FBXO38: variants seen among roughly 807,000 people sequenced by gnomAD.
FBXO38 encodes F-box only protein 38.
FBXO38 carries 53 observed loss-of-function variants against 131.9 expected under a neutral mutation model. That is an observed-to-expected ratio of 0.40 (90% confidence interval 0.32 to 0.51). FBXO38 has a LOEUF of 0.51. Among genes scored for constraint, FBXO38 ranks in the 20% least tolerant of loss-of-function variants. The pLI is 0.53. For missense variants in FBXO38, 1,076 were observed against 1,475.6 expected, an observed-to-expected ratio of 0.73 and a Z score of 4.44; for synonymous variants, 452 against 505.6, an observed-to-expected ratio of 0.89 and a Z score of 1.42.
At chr5:148,395,472 GTTT>G (rs5742007) in intron 2 of FBXO38, among the ~76,000 whole-genome samples, 4 of 147,112 alleles carry the variant, frequency 2.7e-5, no homozygotes, top group East Asian at 3.9e-4. Flanking sequence ...TATAACAACT[GTTT>G]TTTTTTTTTT....
chr5:148,390,108 T>C (rs1169825381), intron 1 of FBXO38: 1 of 151,988 alleles, frequency 6.6e-6, no homozygotes, highest in African/African-American at 2.4e-5. Flanking sequence ...CTTTCTCATA[T>C]AGGGAAACCA....
At position 148,416,951 on chromosome 5, in the gene FBXO38, C is replaced by G. The variant is rs745316524; in HGVS notation, c.1408-43C>G. ...GATATTAAAAATGAAGGGATATATACTAACCCAAATTAATAAACGTATGTG... is the reference window on the plus strand; with the variant it reads ...GATATTAAAAATGAAGGGATATATAGTAACCCAAATTAATAAACGTATGTG... On this transcript the variant is annotated intron_variant, in intron 11 of 21. Coordinates refer to ENST00000340253, the MANE Select transcript of FBXO38 (RefSeq NM_205836.3). 7 of 1,273,428 alleles carry G rather than the reference C, an allele frequency of 5.5e-6. No homozygotes were observed. In the East Asian group the frequency reaches 1.6e-4, roughly 29 times the overall value. 78.9% of individuals were successfully genotyped at this position (1,273,428 alleles called of 1,614,324 possible).
intron 7 of FBXO38, among the ~76,000 whole-genome samples, 182 bp downstream of exon 7, chr5:148,406,576 TG>T (rs1423636091): frequency 6.6e-6 from 1 of 152,210 alleles, no homozygotes; most frequent in Non-Finnish European, 1.5e-5. Context: ...TTTCTTTTGG[TG>T]CACATTAAAC....
chr5:148,385,972 G>C (rs1757893074), intron 1 of FBXO38, among the ~76,000 whole-genome samples: 1 of 152,150 alleles, frequency 6.6e-6, no homozygotes, highest in African/African-American at 2.4e-5. Flanking sequence ...GAATTGACGA[G>C]ATAGGAGAAC....
chr5:148,403,311 G>A (rs1184501222), intron 5 of FBXO38, among the ~76,000 whole-genome samples: 3 of 152,080 alleles, frequency 2.0e-5, no homozygotes, highest in Non-Finnish European at 4.4e-5. Context: ...GTTTAACACT[G>A]TATTATGGTG....
intron 12 of FBXO38, among the ~76,000 whole-genome samples, chr5:148,419,083 G>T (rs1227928723): frequency 6.6e-6 from 1 of 152,178 alleles, no homozygotes; most frequent in Non-Finnish European, 1.5e-5. Flanking sequence ...TAGGACTGTT[G>T]TCAAGTATAG....
chr5:148,406,702 G>C (rs1752463328), intron 7 of FBXO38, among the ~76,000 whole-genome samples: 1 of 152,056 alleles, frequency 6.6e-6, no homozygotes, highest in East Asian at 1.9e-4. Flanking sequence ...TGTTAACAGG[G>C]ATTTCTAGCG....
chr5:148,434,370 G>A (rs1286445488), intron 17 of FBXO38: 1 of 152,050 alleles, frequency 6.6e-6, no homozygotes, highest in Non-Finnish European at 1.5e-5. Flanking sequence ...TAGGTACATA[G>A]TGTATCCTAT....
At chr5:148,401,186 A>G (rs950338390) in intron 3 of FBXO38, among the ~76,000 whole-genome samples, 26 of 152,138 alleles carry the variant, frequency 1.7e-4, no homozygotes, top group African/African-American at 4.6e-4. Flanking sequence ...CTTTCATTAA[A>G]AATAAAAAAG....
Position 148,433,780 on chromosome 5 carries a change from G to C in FBXO38, c.2857+43G>C, listed in dbSNP as rs772998880. ...TATTATACAAGAGTATCATGAATGAGTTAAAAGAATTAGGAACTCATAAAT... is the reference window on the plus strand; with the variant it reads ...TATTATACAAGAGTATCATGAATGACTTAAAAGAATTAGGAACTCATAAAT... On this transcript the variant is annotated intron_variant, in intron 17 of 21. Coordinates refer to ENST00000340253, the MANE Select transcript of FBXO38 (RefSeq NM_205836.3). 2.7e-6 allele frequency: 3 copies of C among 1,121,756 alleles called. No individual in the cohort carries two copies. The African/African-American group carries it at 4.7e-5, about 18-fold the overall frequency. 69.5% of individuals were successfully genotyped at this position (1,121,756 alleles called of 1,614,324 possible).
At chr5:148,387,013 T>C (rs1581212686) in intron 1 of FBXO38, among the ~76,000 whole-genome samples, 1 of 152,128 alleles carries the variant, frequency 6.6e-6, no homozygotes, top group African/African-American at 2.4e-5. Context: ...ATCAGGGTGG[T>C]GGTTGCAGAA....
At chr5:148,440,946 A>G (rs1447164552) in intron 20 of FBXO38, among the ~76,000 whole-genome samples, 178 bp from the exon 21 acceptor site, 1 of 152,220 alleles carries the variant, frequency 6.6e-6, no homozygotes, top group Non-Finnish European at 1.5e-5. Flanking sequence ...AATCAGAACC[A>G]GTGATGAAAC....
At chr5:148,388,909 C>A (rs1326174009) in intron 1 of FBXO38, among the ~76,000 whole-genome samples, 6 of 152,230 alleles carry the variant, frequency 3.9e-5, no homozygotes, top group Non-Finnish European at 8.8e-5. Flanking sequence ...TCTGTCTTGG[C>A]TTTCAACATG....
At chr5:148,400,838 T>G (rs1197424084) in intron 3 of FBXO38, among the ~76,000 whole-genome samples, 2 of 152,132 alleles carry the variant, frequency 1.3e-5, no homozygotes, top group African/African-American at 2.4e-5. Context: ...TCAACTTCAT[T>G]TTTTATGCTT....
In FBXO38 at chr5:148,427,916, A is replaced by G. The variant is rs1458812640; in HGVS notation, c.2622A>G (p.Arg874=). 2.0e-6 allele frequency: 3 copies of G among 1,532,570 alleles called. No individual in the cohort carries two copies. Among genetic ancestry groups the G allele is most frequent in the Non-Finnish European group, 2.6e-6 (3 of 1,142,770 alleles). The allele number at this position is 1,532,570 out of a possible 1,614,324, so 94.9% of individuals were successfully genotyped here. A position where few individuals can be genotyped will look rare whatever the true frequency, so the allele number is the denominator to read the frequency against. ...GGCCCCTAACCAGGGCCAGGAGCAG[A>G]CTGTCCCATGTACTGCTGGTATCTG... ...PRRPLTRARS[R]LSHVLLVSES... is the part of the protein sequence containing the mutation. The change falls in exon 15 of 22, where the codon AGA becomes AGG. Residue 874 remains arginine (R), a synonymous_variant. Transcript: ENST00000340253.
chr5:148,438,353 AACATT>A lies in FBXO38; in HGVS notation c.2880_2884del (p.Lys960AsnfsTer13). The A allele has an allele frequency of 6.2e-7, 1 of 1,613,984 alleles. No individual in the cohort carries two copies. Among genetic ancestry groups the A allele is most frequent in the Non-Finnish European group, 8.5e-7 (1 of 1,179,882 alleles). On this transcript the variant is annotated frameshift_variant, in exon 18 of 22. Coordinates refer to ENST00000340253, the MANE Select transcript of FBXO38 (RefSeq NM_205836.3). LOFTEE classifies it high-confidence loss of function. ...GTAGCTACCAGGTGCAGGGTACTAA[AACATT>A]TAAAGGTAGAAAATGCACCAATTGT...
chr5:148,410,446 T>G, intron 8 of FBXO38, 189 bp from the exon 9 acceptor site: 1 of 630,614 alleles, frequency 1.6e-6, no homozygotes, highest in Non-Finnish European at 2.6e-6. Context: ...CCTTTTTGCC[T>G]TCAGCCATGT....
Position 148,409,136 on chromosome 5 carries a change from A to G in FBXO38, c.881A>G (p.Asn294Ser). The G allele has an allele frequency of 6.2e-7, 1 of 1,611,672 alleles. No homozygotes were observed. The highest frequency in any genetic ancestry group is 8.5e-7 in the Non-Finnish European group (1 of 1,177,894). The change falls in exon 8 of 22, where the codon AAT (asparagine) becomes AGT (serine). Residue 294 changes from asparagine to serine, a missense_variant. Asn to Ser is a conservative substitution (Grantham distance 46). Coordinates refer to ENST00000340253, the MANE Select transcript of FBXO38 (RefSeq NM_205836.3). Reference protein sequence around the residue: ...EDSWRSGGFRNLHTIVLGACK... With the variant: ...EDSWRSGGFRSLHTIVLGACK... ...TCCTCGTCTTTAGGTGGTTTTAGAA[A>G]TTTGCACACTATTGTTCTGGGAGCT... is the stretch of plus-strand genomic sequence containing the variant.
At position 148,427,748 on chromosome 5, in the gene FBXO38, G is replaced by A. The variant is rs772362029; in HGVS notation, c.2454G>A (p.Arg818=). ...GTACGAGATCCGCCTTTTCCTTTAGGACTCTGCCACAAGGGGGGTCTTCAG... is the reference window on the plus strand; with the variant it reads ...GTACGAGATCCGCCTTTTCCTTTAGAACTCTGCCACAAGGGGGGTCTTCAG... ...PDGTRSAFSF[R]TLPQGGSSGP... Residue 818 remains arginine (R), a synonymous_variant, in exon 15 of 22, where the codon AGG becomes AGA. Coordinates refer to ENST00000340253, the MANE Select transcript of FBXO38 (RefSeq NM_205836.3). 1 of 1,613,332 alleles carries A rather than the reference G, an allele frequency of 6.2e-7. No homozygotes were observed. The highest frequency in any genetic ancestry group is 2.2e-5 in the East Asian group (1 of 44,870).
Sources: allele counts gnomAD v4.1 joint callset (sites outside exome capture counted in the v4.1 genomes callset), GRCh38; gene constraint gnomAD v4.1.1; transcripts MANE v1.5; gene names NCBI Gene and HGNC (gene_info 2026-07-23, HGNC 2026-07-21).